ERBB4: variants seen among roughly 807,000 people sequenced by gnomAD.
ERBB4 encodes receptor tyrosine-protein kinase erbB-4.
A neutral mutation model predicts 158.0 loss-of-function variants in ERBB4; 42 were observed. The observed-to-expected ratio is 0.27, with a 90% CI of 0.21 to 0.34. The LOEUF (loss-of-function observed/expected upper bound fraction) is 0.34, where lower values mean the gene tolerates loss of function less well. ERBB4 is among the 10% of genes least tolerant of loss of function. The probability of loss-of-function intolerance (pLI) is 1.00; values close to 1 mark genes in which losing one functional copy is unlikely to be tolerated. For missense variants in ERBB4, 1,333 were observed against 1,624.1 expected (o/e 0.82, Z 3.08); for synonymous variants, 583 against 558.7 (o/e 1.04, Z -0.61).
rs192079204 is a variant in ERBB4, at chr2:211,443,250, T to C, written c.2488-12150A>G. ...GAGGAAAAGGTATAATAAATTTTAA[T>C]ATTATTGGCAATAATTTTCTATTGC... On this transcript the variant is annotated intron_variant, in intron 20 of 27. Transcript: ENST00000342788. Among the ~76,000 whole-genome samples, 1,490 of 152,274 alleles carry C rather than the reference T, an allele frequency of 9.8e-3. 5 individuals carry two copies. Among genetic ancestry groups the C allele is most frequent in the Middle Eastern group, 0.051 (15 of 294 alleles).
intron 1 of ERBB4, among the ~76,000 whole-genome samples, chr2:212,237,049 T>A (rs1326056596): frequency 1.3e-5 from 2 of 152,160 alleles, no homozygotes; most frequent in African/African-American, 2.4e-5. Flanking sequence ...GTTCTTTTAA[T>A]TGTGATGTTA....
intron 3 of ERBB4, among the ~76,000 whole-genome samples, chr2:211,874,667 T>C (rs1020294486): frequency 2.0e-5 from 3 of 152,230 alleles, no homozygotes; most frequent in African/African-American, 7.2e-5. Flanking sequence ...TTCTTTCCTA[T>C]TGTGAGTGTA....
intron 20 of ERBB4, among the ~76,000 whole-genome samples, chr2:211,547,939 A>C (rs1369394839): frequency 6.6e-6 from 1 of 152,126 alleles, no homozygotes; most frequent in Admixed American, 6.5e-5. Context: ...GCCACAGGCA[A>C]AGCAAAGCAA....
chr2:211,390,378 T>C (rs1202056694), intron 25 of ERBB4, among the ~76,000 whole-genome samples: 1 of 152,228 alleles, frequency 6.6e-6, no homozygotes, highest in Non-Finnish European at 1.5e-5. Flanking sequence ...TATGGTTATA[T>C]ATTAGAATGC....
intron 19 of ERBB4, among the ~76,000 whole-genome samples, chr2:211,585,124 G>T (rs189314881): frequency 0.018 from 2,708 of 152,082 alleles, 71 homozygotes; most frequent in African/African-American, 0.06. Flanking sequence ...AGGCCGAGGC[G>T]GGCGGATCAC....
At chr2:212,158,036 G>A (rs920179366) in intron 1 of ERBB4, among the ~76,000 whole-genome samples, 2 of 152,032 alleles carry the variant, frequency 1.3e-5, no homozygotes, top group African/African-American at 2.4e-5. Flanking sequence ...TAATAATAGT[G>A]ATAATAAAAG....
chr2:212,534,960 T>C (rs1692963668), intron 1 of ERBB4, among the ~76,000 whole-genome samples: 1 of 152,152 alleles, frequency 6.6e-6, no homozygotes, highest in African/African-American at 2.4e-5. Flanking sequence ...TGTAATTTCT[T>C]AATTAAGACA....
intron 1 of ERBB4, among the ~76,000 whole-genome samples, chr2:212,335,561 T>C (rs990592494): frequency 3.3e-5 from 5 of 152,038 alleles, no homozygotes; most frequent in Non-Finnish European, 7.4e-5. Flanking sequence ...TTCGTTTGAT[T>C]CAATTAATAA....
chr2:211,457,524 A>T (rs2125493901), intron 20 of ERBB4, among the ~76,000 whole-genome samples: 1 of 152,322 alleles, frequency 6.6e-6, no homozygotes, highest in African/African-American at 2.4e-5. Flanking sequence ...AGCAATATGT[A>T]AACATCGAAC....
chr2:212,055,682 C>T (rs1407394266), intron 2 of ERBB4, among the ~76,000 whole-genome samples: 3 of 152,204 alleles, frequency 2.0e-5, no homozygotes, highest in Non-Finnish European at 4.4e-5. Context: ...TGGAGTGGAC[C>T]TCCAGCAAAC....
chr2:211,418,767 T>C (rs1479968913), intron 25 of ERBB4, among the ~76,000 whole-genome samples: 1 of 152,120 alleles, frequency 6.6e-6, no homozygotes, highest in African/African-American at 2.4e-5. Flanking sequence ...AATTTGATCA[T>C]TTTGCAAAGT....
At chr2:211,446,368 A>G (rs2125465141) in intron 20 of ERBB4, among the ~76,000 whole-genome samples, 1 of 152,350 alleles carries the variant, frequency 6.6e-6, no homozygotes, top group Non-Finnish European at 1.5e-5. Context: ...GGTCACCCAG[A>G]GAAGATACTA....
chr2:212,274,983 T>A (rs1374962040), intron 1 of ERBB4, among the ~76,000 whole-genome samples: 1 of 151,948 alleles, frequency 6.6e-6, no homozygotes, highest in African/African-American at 2.4e-5. Flanking sequence ...CCATGTGTTC[T>A]CATTGTTCAG....
intron 1 of ERBB4, among the ~76,000 whole-genome samples, chr2:212,224,473 C>A (rs891896699): frequency 6.6e-6 from 1 of 151,734 alleles, no homozygotes; most frequent in Non-Finnish European, 1.5e-5. Flanking sequence ...AAAAATGAAA[C>A]CCAATTAACT....
chr2:211,611,212 A>G lies in ERBB4; in HGVS notation c.2301+7965T>C, dbSNP rs953916706. On this transcript the variant is annotated intron_variant, in intron 19 of 27. Transcript: ENST00000342788. ...AAGCTAAGGGATTGAAACTTCAACC[A>G]ATCATATAGGGAGTTTAAGCTACAG... 2.6e-5 allele frequency among the ~76,000 whole-genome samples: 4 copies of G among 152,040 alleles called. No homozygotes were observed. In the East Asian group the frequency reaches 5.8e-4, roughly 22 times the overall value.
At chr2:211,681,822 TC>T (rs2105968103) in intron 12 of ERBB4, among the ~76,000 whole-genome samples, 1 of 152,252 alleles carries the variant, frequency 6.6e-6, no homozygotes, top group East Asian at 1.9e-4. Flanking sequence ...TAGAAGTTTT[TC>T]ATTTTGATAA....
Position 211,895,951 on chromosome 2 carries a change from G to T in ERBB4, c.421+51479C>A, listed in dbSNP as rs1345074345. Among the ~76,000 whole-genome samples the T allele has an allele frequency of 3.3e-5, 5 of 152,036 alleles. No homozygotes were observed. The East Asian group carries it at 7.8e-4, about 24-fold the overall frequency. On this transcript the variant is annotated intron_variant, in intron 3 of 27. Transcript: ENST00000342788. ...TGCACTGGCTTCGTTCCAGTTTCTT[G>T]GTCTCCTTGTTCCCAGGTCTCTAGT...
intron 3 of ERBB4, among the ~76,000 whole-genome samples, chr2:211,811,103 T>C (rs2076743847): frequency 6.6e-6 from 1 of 152,222 alleles, no homozygotes; most frequent in African/African-American, 2.4e-5. Flanking sequence ...AGTTTCTTCC[T>C]AGCATCGATG....
At chr2:211,844,807 G>A (rs1033062879) in intron 3 of ERBB4, among the ~76,000 whole-genome samples, 9 of 152,132 alleles carry the variant, frequency 5.9e-5, no homozygotes, top group South Asian at 2.1e-4. Flanking sequence ...GAAATCTAAC[G>A]ACTACATTAA....
Sources: gnomAD v4.1 joint callset for allele counts (sites outside exome capture counted in the v4.1 genomes callset) on GRCh38, gnomAD v4.1.1 for gene constraint, MANE v1.5 for transcripts, NCBI Gene and HGNC (gene_info 2026-07-23, HGNC 2026-07-21) for gene names.